SEMA3A: variants seen among roughly 807,000 people sequenced by gnomAD.
The protein encoded by SEMA3A is semaphorin-3A.
A neutral mutation model predicts 97.9 loss-of-function variants in SEMA3A; 29 were observed. The observed-to-expected ratio is 0.30, with a 90% CI of 0.22 to 0.40. SEMA3A has a LOEUF of 0.40. Among genes scored for constraint, SEMA3A ranks in the 10% least tolerant of loss-of-function variants. The pLI, the probability that SEMA3A is intolerant of heterozygous loss-of-function variation, is 1.00. For synonymous variants in SEMA3A, 321 were observed against 323.7 expected, an observed-to-expected ratio of 0.99 and a Z score of 0.09; for missense variants, 763 against 951.3, an observed-to-expected ratio of 0.80 and a Z score of 2.60.
At chr7:84,087,063 A>G (rs2115829230) in intron 4 of SEMA3A, among the ~76,000 whole-genome samples, 2 of 152,252 alleles carry the variant, frequency 1.3e-5, no homozygotes, top group East Asian at 3.9e-4. Context: ...ATTATGCAAC[A>G]AAGATGGTAC....
chr7:84,289,391 T>C (rs1047008191), intron 3 of SEMA3A, among the ~76,000 whole-genome samples: 21 of 152,196 alleles, frequency 1.4e-4, no homozygotes, highest in Admixed American at 2.6e-4. Context: ...CATAAAGAAA[T>C]GATAACTGTT....
chr7:84,453,274 C>T (rs1378130213), intron 1 of SEMA3A, among the ~76,000 whole-genome samples: 4 of 144,968 alleles, frequency 2.8e-5, no homozygotes, highest in Admixed American at 7.0e-5. Context: ...GTCTCGCTGT[C>T]GCCCAGGCTG....
chr7:84,107,256 G>C (rs77161385), intron 4 of SEMA3A, among the ~76,000 whole-genome samples: 1,980 of 152,138 alleles, frequency 0.013, 40 homozygotes, highest in African/African-American at 0.045. Flanking sequence ...AAATCCAAAG[G>C]TAGTGTTTTA....
intron 1 of SEMA3A, among the ~76,000 whole-genome samples, chr7:84,491,052 G>A (rs1358943067): frequency 6.6e-6 from 1 of 152,112 alleles, no homozygotes; most frequent in Non-Finnish European, 1.5e-5. Flanking sequence ...TATTTAACTA[G>A]AAGTAATTAA....
At chr7:84,454,266 T>A (rs1163991609) in intron 1 of SEMA3A, among the ~76,000 whole-genome samples, 1 of 152,226 alleles carries the variant, frequency 6.6e-6, no homozygotes, top group Non-Finnish European at 1.5e-5. Context: ...ATGGAAGATG[T>A]CAAGCTGTGT....
intron 2 of SEMA3A, among the ~76,000 whole-genome samples, chr7:84,332,522 G>A (rs1339061903): frequency 1.3e-5 from 2 of 152,088 alleles, no homozygotes; most frequent in Non-Finnish European, 2.9e-5. Flanking sequence ...ATAAAATTGA[G>A]AAAAGACAAT....
At chr7:83,981,903 T>C (rs1341822445) in intron 13 of SEMA3A, among the ~76,000 whole-genome samples, 1 of 152,140 alleles carries the variant, frequency 6.6e-6, no homozygotes, top group African/African-American at 2.4e-5. Flanking sequence ...TACCCTATTG[T>C]ATTGCCTGTG....
chr7:84,176,243 G>A (rs541397174), intron 1 of SEMA3A, among the ~76,000 whole-genome samples: 84 of 152,168 alleles, frequency 5.5e-4, no homozygotes, highest in Non-Finnish European at 8.7e-4. Flanking sequence ...AATTGCCAAA[G>A]CAATTTAAGT....
At chr7:84,064,212 C>A (rs1279240115) in intron 4 of SEMA3A, among the ~76,000 whole-genome samples, 1 of 151,948 alleles carries the variant, frequency 6.6e-6, no homozygotes, top group Non-Finnish European at 1.5e-5. Flanking sequence ...TACAGACAAG[C>A]AAATGCTGAG....
At chr7:84,333,993 T>G (rs192019817) in intron 2 of SEMA3A, among the ~76,000 whole-genome samples, 110 of 152,290 alleles carry the variant, frequency 7.2e-4, no homozygotes, top group Non-Finnish European at 2.6e-4. Context: ...CCACCAAATG[T>G]ACTGAAAAGT....
At chr7:84,489,972 G>T (rs1018558445) in intron 1 of SEMA3A, among the ~76,000 whole-genome samples, 3 of 151,716 alleles carry the variant, frequency 2.0e-5, no homozygotes, top group African/African-American at 2.4e-5. Context: ...TACTTATATT[G>T]TTTGTATTCT....
intron 6 of SEMA3A, among the ~76,000 whole-genome samples, chr7:84,034,419 A>C (rs547851421): frequency 6.6e-6 from 1 of 152,342 alleles, no homozygotes; most frequent in Admixed American, 6.5e-5. Flanking sequence ...AATTAATGGC[A>C]AAATTAATTT....
At chr7:84,183,960 T>C (rs1397373378) in intron 1 of SEMA3A, among the ~76,000 whole-genome samples, 11 of 152,190 alleles carry the variant, frequency 7.2e-5, no homozygotes, top group Non-Finnish European at 1.3e-4. Flanking sequence ...TTCACTTCCT[T>C]ACATGGAATC....
intron 3 of SEMA3A, among the ~76,000 whole-genome samples, chr7:84,211,761 G>C (rs1798633539): frequency 6.6e-6 from 1 of 152,182 alleles, no homozygotes; most frequent in African/African-American, 2.4e-5. Flanking sequence ...CTGATTTTGA[G>C]AAGAGTAACA....
chr7:84,447,215 C>T (rs1308423761), intron 1 of SEMA3A, among the ~76,000 whole-genome samples: 1 of 152,186 alleles, frequency 6.6e-6, no homozygotes, highest in Non-Finnish European at 1.5e-5. Context: ...GAGGCGCGAC[C>T]AATGGGAGGC....
rs954132820 is a variant in SEMA3A at position 84,287,537 on chromosome 7, T to C, written c.-83+19670A>G. On this transcript the variant is annotated intron_variant, in intron 3 of 3. Transcript: ENST00000424555. ...ACAGATGATCTTACTTCTCAAATAA[T>C]ACAAATTTTCACTTTACTAAATTTC... 3.9e-5 allele frequency among the ~76,000 whole-genome samples: 6 copies of C among 152,314 alleles called. No homozygotes were observed. The South Asian group carries it at 6.2e-4, about 16-fold the overall frequency.
chr7:84,438,632 GAA>G, intron 1 of SEMA3A, among the ~76,000 whole-genome samples: 1 of 152,102 alleles, frequency 6.6e-6, no homozygotes, highest in Non-Finnish European at 1.5e-5. Context: ...AATAAAACTT[GAA>G]AAGCAAGAAC....
At chr7:84,102,703 C>T (rs565367701) in intron 4 of SEMA3A, among the ~76,000 whole-genome samples, 1 of 150,474 alleles carries the variant, frequency 6.6e-6, no homozygotes, top group South Asian at 2.1e-4. Context: ...GCCTCAGCCA[C>T]CAGAGTAGCT....
chr7:84,086,286 C>A (rs941964913), intron 4 of SEMA3A, among the ~76,000 whole-genome samples: 1 of 151,694 alleles, frequency 6.6e-6, no homozygotes, highest in Non-Finnish European at 1.5e-5. Flanking sequence ...ACAACAGTCT[C>A]TAGAATTAGC....
Sources: gnomAD v4.1 joint callset for allele counts (sites outside exome capture counted in the v4.1 genomes callset) on GRCh38, gnomAD v4.1.1 for gene constraint, MANE v1.5 for transcripts, NCBI Gene and HGNC (gene_info 2026-07-23, HGNC 2026-07-21) for gene names.